ACO2: variants seen among roughly 807,000 people sequenced by gnomAD.
ACO2 encodes the protein aconitate hydratase, mitochondrial.
A neutral mutation model predicts 84.5 loss-of-function variants in ACO2; 31 were observed. That is an observed-to-expected ratio of 0.37 (90% CI 0.28 to 0.50). ACO2 has a LOEUF of 0.50. Ranked by LOEUF, ACO2 falls within the 20% of genes least tolerant of loss-of-function variation. The pLI is 0.97. For missense variants in ACO2, 685 were observed against 1,029.3 expected, an observed-to-expected ratio of 0.67 and a Z score of 4.58; for synonymous variants, 414 against 412.7, an observed-to-expected ratio of 1.00 and a Z score of -0.04.
chr22:41,500,118 G>T (rs1156523054), intron 2 of ACO2, among the ~76,000 whole-genome samples: 2 of 151,912 alleles, frequency 1.3e-5, no homozygotes, highest in Non-Finnish European at 2.9e-5. Context: ...AGACACTTTG[G>T]CACTATAACC....
At chr22:41,511,123 G>A (rs561086908) in intron 3 of ACO2, among the ~76,000 whole-genome samples, 1 of 151,876 alleles carries the variant, frequency 6.6e-6, no homozygotes, top group African/African-American at 2.4e-5. Flanking sequence ...TTCCTGCCTC[G>A]GCCTGCAAGT....
intron 16 of ACO2, 186 bp downstream of exon 16, chr22:41,527,606 G>T: frequency 1.1e-6 from 1 of 891,428 alleles, no homozygotes; most frequent in Non-Finnish European, 1.7e-6. Flanking sequence ...CCGGCTTCCC[G>T]CAGGCCCTGC....
intron 12 of ACO2, 147 bp downstream of exon 12, chr22:41,524,088 G>C: frequency 1.5e-6 from 1 of 673,382 alleles, no homozygotes; most frequent in South Asian, 1.7e-5. Flanking sequence ...CGCATGCTTG[G>C]TGCTTCCTGC....
At chr22:41,512,328 G>A in intron 4 of ACO2, 1 of 205,606 alleles carries the variant, frequency 4.9e-6, no homozygotes, top group Admixed American at 6.0e-5. Flanking sequence ...GTCACCCCTT[G>A]TGGCATGCAT....
chr22:41,521,509 T>C (rs1336399538), intron 9 of ACO2: 1 of 152,214 alleles, frequency 6.6e-6, no homozygotes, highest in Non-Finnish European at 1.5e-5. Flanking sequence ...TACTGACACC[T>C]TTGAAGGTGG....
At position 41,516,029 on chromosome 22, in the gene ACO2, T is replaced by C. The variant is rs746435822; in HGVS notation, c.835+112T>C. ...TCACTTGAGAATCTGTCTGTTCCAT[T>C]TGGGGACTTGGGATAGACAGAGGTA... On this transcript the variant is annotated intron_variant, in intron 6 of 17. Coordinates refer to ENST00000216254, the MANE Select transcript of ACO2 (RefSeq NM_001098.3). 1.4e-4 allele frequency: 193 copies of C among 1,401,072 alleles called. 2 individuals are homozygous for C. In the South Asian group the frequency reaches 1.6e-3, roughly 12 times the overall value. The allele number at this position is 1,401,072 out of a possible 1,614,324, so 86.8% of individuals were successfully genotyped here.
chr22:41,502,955 A>G (rs1057495583), intron 2 of ACO2, among the ~76,000 whole-genome samples: 1 of 151,990 alleles, frequency 6.6e-6, no homozygotes, highest in East Asian at 1.9e-4. Flanking sequence ...GGGCTGCCCA[A>G]GCTGGTCTTG....
At chr22:41,481,696 C>G (rs1437603062) in intron 1 of ACO2, among the ~76,000 whole-genome samples, 6 of 152,168 alleles carry the variant, frequency 3.9e-5, no homozygotes, top group African/African-American at 1.4e-4. Flanking sequence ...CAGCTCTGAA[C>G]CCGTGCTGTT....
intron 1 of ACO2, among the ~76,000 whole-genome samples, chr22:41,485,633 T>C (rs541072029): frequency 1.3e-5 from 2 of 151,734 alleles, no homozygotes; most frequent in Admixed American, 6.6e-5. Context: ...TTAGTAGAGA[T>C]GGGGTTTCAC....
At chr22:41,471,600 TA>T (rs2037947201) in intron 1 of ACO2, among the ~76,000 whole-genome samples, 1 of 152,216 alleles carries the variant, frequency 6.6e-6, no homozygotes, top group African/African-American at 2.4e-5. Flanking sequence ...CACTGTATTC[TA>T]ATGTACCTGA....
rs770355029 is a variant in ACO2 at position 41,525,291 on chromosome 22, G to A, written c.1704G>A (p.Leu568=). Residue 568 remains leucine (L), a synonymous_variant, in exon 14 of 18, where the codon CTG becomes CTA. Coordinates refer to ENST00000216254, the MANE Select transcript of ACO2 (RefSeq NM_001098.3). The part of the protein sequence containing the change: ...VSPTSQRLQL[L]EPFDKWDGKD... ...CCACCAGCCAGCGCCTGCAGCTCCT[G>A]GAGCCTTTTGACAAGTGGGATGGCA... 1.2e-5 allele frequency: 20 copies of A among 1,614,070 alleles called. No individual in the cohort carries two copies. Among genetic ancestry groups the A allele is most frequent in the Non-Finnish European group, 1.7e-5 (20 of 1,179,998 alleles).
At chr22:41,526,235 C>A in intron 14 of ACO2, 27 bp from the exon 15 acceptor site, 1 of 1,602,980 alleles carries the variant, frequency 6.2e-7, no homozygotes, top group Non-Finnish European at 8.5e-7. Flanking sequence ...ATGCCCTGAC[C>A]TCTGTCCTCT....
chr22:41,511,405 C>A (rs910670967), intron 3 of ACO2, among the ~76,000 whole-genome samples: 7 of 152,220 alleles, frequency 4.6e-5, no homozygotes, highest in Admixed American at 3.9e-4. Flanking sequence ...CTCCTGACCT[C>A]AAGTGATCTG....
chr22:41,477,761 A>G (rs994033690), intron 1 of ACO2, among the ~76,000 whole-genome samples: 1 of 152,028 alleles, frequency 6.6e-6, no homozygotes, highest in Non-Finnish European at 1.5e-5. Flanking sequence ...TCCTTAGCTC[A>G]TACGTTTAAA....
intron 1 of ACO2, among the ~76,000 whole-genome samples, chr22:41,491,166 G>C (rs773839070): frequency 2.0e-5 from 3 of 152,026 alleles, no homozygotes; most frequent in Non-Finnish European, 2.9e-5. Flanking sequence ...CCAAGCAGAA[G>C]AAAAACTGCA....
At chr22:41,494,061 C>G (rs895631808) in intron 1 of ACO2, among the ~76,000 whole-genome samples, 1 of 152,156 alleles carries the variant, frequency 6.6e-6, no homozygotes, top group African/African-American at 2.4e-5. Context: ...ACAGGAAGTC[C>G]TCTTGGACAG....
intron 3 of ACO2, among the ~76,000 whole-genome samples, chr22:41,511,187 T>G (rs2066430517): frequency 6.6e-6 from 1 of 152,174 alleles, no homozygotes; most frequent in Admixed American, 6.5e-5. Context: ...CTTATTTTTA[T>G]TTTTTGAGAC....
chr22:41,525,296 CTT>C lies in ACO2; in HGVS notation c.1712_1713del (p.Phe571Ter). 6.2e-7 allele frequency: 1 copy of C among 1,614,086 alleles called. No individual in the cohort carries two copies. On this transcript the variant is annotated frameshift_variant, in exon 14 of 18. Transcript: ENST00000216254. LOFTEE classifies it high-confidence loss of function. ...AGCCAGCGCCTGCAGCTCCTGGAGCCTTTTGACAAGTGGGATGGCAAGGACCT... is the reference window on the plus strand; with the variant it reads ...AGCCAGCGCCTGCAGCTCCTGGAGCCTTGACAAGTGGGATGGCAAGGACCT...
intron 2 of ACO2, among the ~76,000 whole-genome samples, chr22:41,505,760 A>G (rs952601011): frequency 2.6e-5 from 4 of 152,172 alleles, no homozygotes; most frequent in African/African-American, 9.6e-5. Flanking sequence ...AGTAGTGGCA[A>G]AGGGGCGGGA....
Sources: gnomAD v4.1 joint callset for allele counts (sites outside exome capture counted in the v4.1 genomes callset) on GRCh38, gnomAD v4.1.1 for gene constraint, MANE v1.5 for transcripts, NCBI Gene and HGNC (gene_info 2026-07-23, HGNC 2026-07-21) for gene names.